NAV3: variants seen among roughly 807,000 people sequenced by gnomAD.
NAV3 encodes pore membrane and/or filament interacting like protein 1.
NAV3 carries 87 observed loss-of-function variants against 244.7 expected under a neutral mutation model. That is an observed-to-expected ratio of 0.36 (90% CI 0.30 to 0.42). The LOEUF is 0.42. NAV3 is among the 20% of genes least tolerant of loss of function. The probability of loss-of-function intolerance (pLI) is 1.00; values close to 1 mark genes in which losing one functional copy is unlikely to be tolerated. For missense variants in NAV3, 2,663 were observed against 2,893.3 expected (o/e 0.92, Z 1.83); for synonymous variants, 1,126 against 1,042.2 (o/e 1.08, Z -1.55).
Position 77,599,645 on chromosome 12 carries a change from C to T in NAV3, c.72+27379C>T, listed in dbSNP as rs12427420. On this transcript the variant is annotated intron_variant, in intron 2 of 8. Transcript: ENST00000550042. ...TATATATGTGTGATATATATGTGTT[C>T]AAGTATTTTCAAACCCTTTTTTTTA... Among the ~76,000 whole-genome samples the T allele has an allele frequency of 8.2e-3, 1,249 of 151,702 alleles. 60 individuals carry two copies. Among genetic ancestry groups the T allele is most frequent in the East Asian group, 0.065 (335 of 5,160 alleles).
intron 2 of NAV3, among the ~76,000 whole-genome samples, chr12:77,798,939 A>C (rs1871562685): frequency 6.6e-6 from 1 of 152,190 alleles, no homozygotes; most frequent in African/African-American, 2.4e-5. Context: ...TTATTAGGAA[A>C]TAGTTCTGTG....
chr12:77,936,465 C>T (rs1889336786), intron 1 of NAV3, among the ~76,000 whole-genome samples: 1 of 152,104 alleles, frequency 6.6e-6, no homozygotes, highest in African/African-American at 2.4e-5. Flanking sequence ...TTAGCCAGAA[C>T]ATTCATGATT....
chr12:77,594,691 C>T (rs1030896245), intron 2 of NAV3, among the ~76,000 whole-genome samples: 1 of 152,030 alleles, frequency 6.6e-6, no homozygotes, highest in African/African-American at 2.4e-5. Flanking sequence ...CGTTTTTTCC[C>T]CCCAGGATCT....
intron 1 of NAV3, among the ~76,000 whole-genome samples, chr12:77,872,271 C>A (rs975047561): frequency 1.3e-5 from 2 of 152,064 alleles, no homozygotes; most frequent in Non-Finnish European, 2.9e-5. Context: ...TCTTCTCTAG[C>A]ATGGGAACAG....
intron 2 of NAV3, among the ~76,000 whole-genome samples, chr12:77,686,424 CTTTTTTTTT>C (rs10573795): frequency 8.8e-6 from 1 of 113,856 alleles, no homozygotes; most frequent in East Asian, 2.6e-4. Flanking sequence ...TTCTTTCTTT[CTTTTTTTTT>C]TTTTTTTTTT....
chr12:77,874,868 A>AT lies in NAV3; in HGVS notation c.243+43172dup, dbSNP rs5799353. ...TCAATAAAATATTATTTTATTCTGT[A>AT]TTTTTTTTATAGATTTGTTACTCTG... On this transcript the variant is annotated intron_variant, in intron 1 of 39. Transcript: ENST00000397909. 2.4e-4 allele frequency among the ~76,000 whole-genome samples: 37 copies of AT among 151,796 alleles called. 1 individual carries two copies. The South Asian group carries it at 5.6e-3, about 23-fold the overall frequency.
At chr12:77,809,220 T>C (rs1403810930) in intron 2 of NAV3, among the ~76,000 whole-genome samples, 1 of 152,180 alleles carries the variant, frequency 6.6e-6, no homozygotes, top group Non-Finnish European at 1.5e-5. Context: ...CACTGGGTTA[T>C]GAAAAAGAAA....
chr12:78,149,159 T>G (rs1333105611), intron 22 of NAV3, among the ~76,000 whole-genome samples: 1 of 152,108 alleles, frequency 6.6e-6, no homozygotes, highest in Non-Finnish European at 1.5e-5. Context: ...GAAACAATAG[T>G]AACAGCCATA....
intron 2 of NAV3, among the ~76,000 whole-genome samples, chr12:77,752,611 C>T (rs970540198): frequency 1.3e-5 from 2 of 152,186 alleles, no homozygotes; most frequent in African/African-American, 2.4e-5. Context: ...GACCAGACCA[C>T]CTGAGTCTGA....
chr12:78,076,467 C>A (rs1237320371), intron 12 of NAV3, among the ~76,000 whole-genome samples: 4 of 152,054 alleles, frequency 2.6e-5, no homozygotes, highest in African/African-American at 9.7e-5. Flanking sequence ...GACAGGGACT[C>A]CCAGAATCGA....
At chr12:77,751,894 A>C (rs1468024794) in intron 2 of NAV3, among the ~76,000 whole-genome samples, 1 of 152,198 alleles carries the variant, frequency 6.6e-6, no homozygotes, top group African/African-American at 2.4e-5. Context: ...TTGGTTTGTT[A>C]TTTAAGAAAA....
intron 2 of NAV3, among the ~76,000 whole-genome samples, chr12:77,574,323 A>G (rs1868977640): frequency 6.6e-6 from 1 of 152,098 alleles, no homozygotes; most frequent in Non-Finnish European, 1.5e-5. Flanking sequence ...AAGATTCAAA[A>G]TTTTTGAATC....
At chr12:78,144,591 G>A (rs1956771666) in intron 20 of NAV3, among the ~76,000 whole-genome samples, 1 of 152,004 alleles carries the variant, frequency 6.6e-6, no homozygotes, top group Non-Finnish European at 1.5e-5. Flanking sequence ...AGTGAAAAAA[G>A]TCATGCTATA....
intron 9 of NAV3, among the ~76,000 whole-genome samples, chr12:78,029,406 G>C (rs1878609589): frequency 6.6e-6 from 1 of 152,136 alleles, no homozygotes; most frequent in Non-Finnish European, 1.5e-5. Context: ...AGAAATGCAT[G>C]ATGATCTTAG....
chr12:78,026,141 T>C (rs1048179827), intron 9 of NAV3, among the ~76,000 whole-genome samples: 1 of 152,186 alleles, frequency 6.6e-6, no homozygotes, highest in African/African-American at 2.4e-5. Flanking sequence ...TCTCTACCTA[T>C]AAATGTGATT....
intron 2 of NAV3, among the ~76,000 whole-genome samples, chr12:77,684,568 AT>A (rs1874627989): frequency 6.6e-6 from 1 of 151,962 alleles, no homozygotes; most frequent in Non-Finnish European, 1.5e-5. Context: ...AGAGATTCTC[AT>A]GCCTCAGCCC....
rs143132199 is a variant in NAV3 at position 77,938,986 on chromosome 12, G to A, written c.244-1333G>A. 9.9e-4 allele frequency among the ~76,000 whole-genome samples: 149 copies of A among 150,548 alleles called. 2 individuals are homozygous for A. The East Asian group carries it at 0.018, about 18-fold the overall frequency. On this transcript the variant is annotated intron_variant, in intron 1 of 39. Coordinates refer to ENST00000397909, the MANE Select transcript of NAV3 (RefSeq NM_001024383.2). ...TGTTCTGTGGCATGGTGTGAAGTGC[G>A]GTGTAGATACATCAATTCTGGAACT...
intron 8 of NAV3, among the ~76,000 whole-genome samples, chr12:78,015,964 A>G (rs567269193): frequency 6.6e-6 from 1 of 152,224 alleles, no homozygotes; most frequent in Admixed American, 6.5e-5. Flanking sequence ...ATTCATTACT[A>G]TCACAACTTA....
intron 2 of NAV3, among the ~76,000 whole-genome samples, chr12:77,583,050 C>T (rs1483063162): frequency 6.6e-6 from 1 of 152,184 alleles, no homozygotes; most frequent in Non-Finnish European, 1.5e-5. Context: ...ACAAACATTA[C>T]ACTTTCCTAA....
Sources: allele counts gnomAD v4.1 joint callset (sites outside exome capture counted in the v4.1 genomes callset), GRCh38; gene constraint gnomAD v4.1.1; transcripts MANE v1.5; gene names NCBI Gene and HGNC (gene_info 2026-07-23, HGNC 2026-07-21).